STPG2: variants seen among roughly 807,000 people sequenced by gnomAD.
STPG2 encodes the protein sperm tail PG-rich repeat containing 2.
Under a neutral mutation model 54.2 loss-of-function variants are expected in STPG2, and 56 were observed. The observed-to-expected ratio is 1.03, with a 90% CI of 0.83 to 1.29. The LOEUF is 1.29. STPG2 is among the 50% of genes most tolerant of loss of function. The probability of loss-of-function intolerance (pLI) is 0.00; values close to 1 mark genes in which losing one functional copy is unlikely to be tolerated. For synonymous variants in STPG2, 200 were observed against 181.8 expected (o/e 1.10, Z -0.81); for missense variants, 596 against 544.9 (o/e 1.09, Z -0.93).
intron 9 of STPG2, among the ~76,000 whole-genome samples, chr4:97,743,096 A>T (rs1560511169): frequency 6.6e-6 from 1 of 151,828 alleles, no homozygotes; most frequent in African/African-American, 2.4e-5. Context: ...TGTTTCAGGT[A>T]TACAGTGAGA....
At chr4:97,609,280 C>T (rs1010554063) in intron 10 of STPG2, among the ~76,000 whole-genome samples, 2 of 151,906 alleles carry the variant, frequency 1.3e-5, no homozygotes, top group Non-Finnish European at 2.9e-5. Flanking sequence ...TTACCTACTC[C>T]GGTAGTGGAA....
At chr4:98,134,615 C>A (rs1484616467) in intron 1 of STPG2, among the ~76,000 whole-genome samples, 156 bp from the exon 2 acceptor site, 1 of 150,928 alleles carries the variant, frequency 6.6e-6, no homozygotes, top group Non-Finnish European at 1.5e-5. Context: ...TTTTTAAAAT[C>A]TGATATAAGA....
intron 10 of STPG2, among the ~76,000 whole-genome samples, chr4:97,675,991 A>T (rs1476146355): frequency 6.8e-6 from 1 of 146,414 alleles, no homozygotes; most frequent in Non-Finnish European, 1.5e-5. Context: ...TATATATATA[A>T]AACATATATA....
At chr4:97,891,579 T>G (rs1730771552) in intron 8 of STPG2, among the ~76,000 whole-genome samples, 1 of 152,124 alleles carries the variant, frequency 6.6e-6, no homozygotes, top group South Asian at 2.1e-4. Context: ...TATTGCTTTT[T>G]GGGGTCTTTT....
chr4:97,554,655 A>G (rs1732038841), downstream of STPG2, among the ~76,000 whole-genome samples: 1 of 152,192 alleles, frequency 6.6e-6, no homozygotes, highest in Non-Finnish European at 1.5e-5. Context: ...TTCATATCTA[A>G]GCCTATGTTT....
chr4:97,447,457 C>T (rs1162798704), intron 4 of STPG2, among the ~76,000 whole-genome samples: 2 of 152,136 alleles, frequency 1.3e-5, no homozygotes, highest in Non-Finnish European at 2.9e-5. Flanking sequence ...TATCACAGGC[C>T]TAGAGGCCTA....
chr4:97,472,961 G>T (rs1729975315), intron 4 of STPG2, among the ~76,000 whole-genome samples: 1 of 152,084 alleles, frequency 6.6e-6, no homozygotes, highest in African/African-American at 2.4e-5. Flanking sequence ...TGTCTTTACT[G>T]CAATCTCTAA....
At chr4:97,536,431 C>G (rs888932608) in intron 4 of STPG2, among the ~76,000 whole-genome samples, 10 of 152,198 alleles carry the variant, frequency 6.6e-5, no homozygotes, top group Non-Finnish European at 1.2e-4. Context: ...CTCTGTCTCT[C>G]TCCTGATGCC....
chr4:97,487,879 A>G (rs1424076248), intron 4 of STPG2, among the ~76,000 whole-genome samples: 1 of 151,584 alleles, frequency 6.6e-6, no homozygotes, highest in Non-Finnish European at 1.5e-5. Flanking sequence ...GTTTATTAGT[A>G]AAAGGTCATA....
chr4:97,743,820 TC>T (rs1195979972), intron 9 of STPG2, among the ~76,000 whole-genome samples: 1 of 151,498 alleles, frequency 6.6e-6, no homozygotes, highest in East Asian at 1.9e-4. Context: ...GGAAAAATCT[TC>T]CCAAAAGAGG....
intron 10 of STPG2, among the ~76,000 whole-genome samples, chr4:97,652,255 C>T (rs1401684471): frequency 6.6e-6 from 1 of 151,874 alleles, no homozygotes; most frequent in Non-Finnish European, 1.5e-5. Flanking sequence ...TGTCCTCTAA[C>T]ATGTCCTACA....
intron 4 of STPG2, among the ~76,000 whole-genome samples, chr4:97,495,721 A>C (rs1422810017): frequency 1.3e-5 from 2 of 151,042 alleles, no homozygotes; most frequent in African/African-American, 2.4e-5. Context: ...AAAAAAAAAA[A>C]AAAAACACAG....
chr4:97,733,250 A>G (rs1724865159), intron 9 of STPG2, among the ~76,000 whole-genome samples: 1 of 152,180 alleles, frequency 6.6e-6, no homozygotes, highest in Non-Finnish European at 1.5e-5. Context: ...ACGGAAAACT[A>G]TTCAGCCACT....
At chr4:97,558,540 G>T (rs1052788907), downstream of STPG2, among the ~76,000 whole-genome samples, 3 of 152,096 alleles carry the variant, frequency 2.0e-5, no homozygotes, top group Admixed American at 2.0e-4. Context: ...TGTATGCTAC[G>T]CTATAGAGAG....
At chr4:97,600,892 A>C (rs2148906359) in intron 10 of STPG2, among the ~76,000 whole-genome samples, 1 of 152,210 alleles carries the variant, frequency 6.6e-6, no homozygotes, top group Middle Eastern at 3.4e-3. Context: ...TTGTCTACAC[A>C]TAGGATTCAT....
At chr4:97,798,184 C>T (rs1035139967) in intron 9 of STPG2, among the ~76,000 whole-genome samples, 1 of 152,040 alleles carries the variant, frequency 6.6e-6, no homozygotes, top group Admixed American at 6.6e-5. Context: ...CTATCTCTTT[C>T]AGTTCTTCTC....
chr4:98,129,048 A>G (rs970966670), intron 2 of STPG2, among the ~76,000 whole-genome samples: 2 of 152,172 alleles, frequency 1.3e-5, no homozygotes, highest in African/African-American at 2.4e-5. Flanking sequence ...ATGTTTTGTA[A>G]AAGTAATTTA....
intron 5 of STPG2, among the ~76,000 whole-genome samples, chr4:98,064,373 G>C (rs148894804): frequency 6.7e-4 from 102 of 152,282 alleles, no homozygotes; most frequent in African/African-American, 2.0e-3. Context: ...GACTTCAGCT[G>C]CATAACATCA....
At chr4:97,924,073 T>C (rs138484775) in intron 8 of STPG2, among the ~76,000 whole-genome samples, 295 of 152,226 alleles carry the variant, frequency 1.9e-3, no homozygotes, top group African/African-American at 7.0e-3. Flanking sequence ...ACTCTTTGGG[T>C]CCACACTGCG....
Sources: allele counts gnomAD v4.1 joint callset (sites outside exome capture counted in the v4.1 genomes callset), GRCh38; gene constraint gnomAD v4.1.1; transcripts MANE v1.5; gene names NCBI Gene and HGNC (gene_info 2026-07-23, HGNC 2026-07-21).